PCDH9: variants seen among roughly 807,000 people sequenced by gnomAD.
PCDH9 encodes the protein protocadherin 9, also known as protocadherin-9.
PCDH9 carries 24 observed loss-of-function variants against 70.6 expected under a neutral mutation model. The observed-to-expected ratio is 0.34, with a 90% CI of 0.25 to 0.48. The LOEUF is 0.48. Among genes scored for constraint, PCDH9 ranks in the 20% least tolerant of loss-of-function variants. The pLI is 0.99. For synonymous variants in PCDH9, 562 were observed against 558.5 expected (o/e 1.01, Z -0.09); for missense variants, 1,281 against 1,503.6 (o/e 0.85, Z 2.45).
In PCDH9 at chr13:66,304,929, C is replaced by G; in HGVS notation, c.3440G>C (p.Gly1147Ala). ...GHSDNCWMPPGLGPYQHPKSP... is the reference protein window; with the variant it reads ...GHSDNCWMPPALGPYQHPKSP... ...TTTGGGGTGTTGATATGGACCCAAGCCAGGAGGCATCCAGCAATTATCAGA... is the reference window on the plus strand; with the variant it reads ...TTTGGGGTGTTGATATGGACCCAAGGCAGGAGGCATCCAGCAATTATCAGA... The change falls in exon 5 of 5, where the codon GGC becomes GCC. Residue 1147 changes from glycine (G) to alanine (A), a missense_variant. Gly to Ala is a moderately conservative substitution (Grantham distance 60, BLOSUM62 0). Transcript: ENST00000377865. The G allele has an allele frequency of 6.2e-7, 1 of 1,613,478 alleles. No homozygotes were observed. The highest frequency in any genetic ancestry group is 1.7e-5 in the Admixed American group (1 of 59,864).
intron 2 of PCDH9, among the ~76,000 whole-genome samples, chr13:66,948,181 T>A (rs1022122321): frequency 7.2e-5 from 11 of 152,142 alleles, no homozygotes; most frequent in African/African-American, 2.4e-4. Context: ...CTGTTCATCA[T>A]GTTCATTTGG....
chr13:67,028,042 C>T (rs1292166704), intron 2 of PCDH9, among the ~76,000 whole-genome samples: 1 of 150,960 alleles, frequency 6.6e-6, no homozygotes, highest in Non-Finnish European at 1.5e-5. Context: ...CTAGAAATAC[C>T]ATTTGACCCA....
At chr13:66,326,572 C>T (rs991109818) in intron 4 of PCDH9, among the ~76,000 whole-genome samples, 28 of 152,162 alleles carry the variant, frequency 1.8e-4, no homozygotes, top group Non-Finnish European at 3.7e-4. Context: ...GCGCCCGCCA[C>T]CACGCCCGGA....
chr13:66,994,682 T>C (rs2084074225), intron 2 of PCDH9, among the ~76,000 whole-genome samples: 1 of 152,206 alleles, frequency 6.6e-6, no homozygotes, highest in African/African-American at 2.4e-5. Context: ...ACAGAAAAGA[T>C]GAAAATGTTC....
intron 2 of PCDH9, among the ~76,000 whole-genome samples, chr13:67,073,687 A>G (rs2138162191): frequency 6.6e-6 from 1 of 152,184 alleles, no homozygotes. Flanking sequence ...CCTGGTATGT[A>G]TACTTTCCAG....
chr13:66,439,884 T>C (rs11838710), intron 4 of PCDH9, among the ~76,000 whole-genome samples: 5,930 of 152,218 alleles, frequency 0.039, 161 homozygotes, highest in Non-Finnish European at 0.065. Flanking sequence ...GAGGAGTTAA[T>C]AAAGGGTTAC....
intron 2 of PCDH9, chr13:67,002,148 T>C (rs1206680181): frequency 6.6e-6 from 1 of 152,184 alleles, no homozygotes; most frequent in Non-Finnish European, 1.5e-5. Flanking sequence ...TTTGGTTTTA[T>C]GTAAAGCCAC....
chr13:66,337,683 C>T (rs1427261802), intron 4 of PCDH9, among the ~76,000 whole-genome samples: 1 of 151,938 alleles, frequency 6.6e-6, no homozygotes, highest in Non-Finnish European at 1.5e-5. Flanking sequence ...GAGTCTAGGA[C>T]AAGGACATCT....
intron 2 of PCDH9, among the ~76,000 whole-genome samples, chr13:67,062,229 TTAGA>T (rs1286593393): frequency 4.6e-5 from 7 of 152,086 alleles, no homozygotes; most frequent in East Asian, 1.9e-4. Flanking sequence ...ATTGGAGAGA[TTAGA>T]TAGATAGATT....
chr13:66,764,929 C>G (rs894134713), intron 3 of PCDH9, among the ~76,000 whole-genome samples: 1 of 151,756 alleles, frequency 6.6e-6, no homozygotes, highest in Non-Finnish European at 1.5e-5. Flanking sequence ...AATTCAAAAC[C>G]ATTATCATCA....
chr13:66,994,669 GC>G (rs893482165), intron 2 of PCDH9, among the ~76,000 whole-genome samples: 1 of 152,192 alleles, frequency 6.6e-6, no homozygotes. Flanking sequence ...ACTTCTGAGA[GC>G]AACAGAAAAG....
chr13:66,930,967 G>A (rs2082797998), intron 2 of PCDH9, among the ~76,000 whole-genome samples: 2 of 152,098 alleles, frequency 1.3e-5, no homozygotes, highest in Admixed American at 1.3e-4. Context: ...CATAAAAATT[G>A]GATGTGCAGG....
At chr13:66,593,612 A>C (rs2077064654) in intron 4 of PCDH9, among the ~76,000 whole-genome samples, 2 of 151,776 alleles carry the variant, frequency 1.3e-5, no homozygotes, top group Admixed American at 1.3e-4. Context: ...GACAATGGTC[A>C]TAGAGCCAGA....
intron 3 of PCDH9, among the ~76,000 whole-genome samples, chr13:66,796,965 A>G (rs1009316652): frequency 1.3e-5 from 2 of 152,104 alleles, no homozygotes; most frequent in African/African-American, 4.8e-5. Context: ...AATTCTGTGC[A>G]ATGATTATAA....
At chr13:66,791,359 G>A (rs1219884153) in intron 3 of PCDH9, among the ~76,000 whole-genome samples, 1 of 151,968 alleles carries the variant, frequency 6.6e-6, no homozygotes, top group African/African-American at 2.4e-5. Context: ...GTTAAAAAAG[G>A]GAATTCATTA....
chr13:67,053,702 T>C (rs2085365670), intron 2 of PCDH9, among the ~76,000 whole-genome samples: 1 of 152,212 alleles, frequency 6.6e-6, no homozygotes, highest in Non-Finnish European at 1.5e-5. Context: ...ATTTGCCTTT[T>C]AAGACAAGTT....
At chr13:67,118,781 C>T (rs144390614) in intron 2 of PCDH9, among the ~76,000 whole-genome samples, 7 of 152,210 alleles carry the variant, frequency 4.6e-5, no homozygotes, top group Admixed American at 3.9e-4. Context: ...TCTATGACAC[C>T]ACAGCACCTT....
intron 4 of PCDH9, among the ~76,000 whole-genome samples, chr13:66,534,943 T>C (rs1056681575): frequency 3.3e-5 from 5 of 152,106 alleles, no homozygotes; most frequent in Non-Finnish European, 7.4e-5. Flanking sequence ...TATAAAACAG[T>C]GGCTCACCTT....
At chr13:66,521,552 T>C (rs977582706) in intron 4 of PCDH9, among the ~76,000 whole-genome samples, 4 of 152,166 alleles carry the variant, frequency 2.6e-5, no homozygotes, top group Admixed American at 2.0e-4. Flanking sequence ...GCACAGATAC[T>C]GTTATAGTGT....
Sources: gnomAD v4.1 joint callset for allele counts (sites outside exome capture counted in the v4.1 genomes callset) on GRCh38, gnomAD v4.1.1 for gene constraint, MANE v1.5 for transcripts, NCBI Gene and HGNC (gene_info 2026-07-23, HGNC 2026-07-21) for gene names.